Variants in OR4E2 observed in about 807,000 individuals in gnomAD.
OR4E2 encodes olfactory receptor family 4 subfamily E member 2, also known as olfactory receptor 4E2.
OR4E2 carries 9 observed loss-of-function variants against 11.0 expected under a neutral mutation model. The observed-to-expected ratio is 0.82, with a 90% CI of 0.49 to 1.43. The LOEUF (loss-of-function observed/expected upper bound fraction) is 1.43, where lower values mean the gene tolerates loss of function less well. Among genes scored for constraint, OR4E2 ranks in the 40% most tolerant of loss-of-function variants. The pLI, the probability that OR4E2 is intolerant of heterozygous loss-of-function variation, is 0.00. For missense variants in OR4E2, 441 were observed against 382.0 expected, an observed-to-expected ratio of 1.15 and a Z score of -1.29; for synonymous variants, 159 against 147.3, an observed-to-expected ratio of 1.08 and a Z score of -0.57.
Position 21,666,186 on chromosome 14 carries a change from G to T in OR4E2, c.*162G>T. On this transcript the variant is annotated 3_prime_UTR_variant, in exon 4 of 4. Transcript: ENST00000641524. The stretch of plus-strand genomic sequence containing the variant: ...ATAAGAACTTATTCTGTTCATTAAA[G>T]ATAAGAACTTATTAACTATTATTTA... 2 of 530,898 alleles carry T rather than the reference G, an allele frequency of 3.8e-6. No individual in the cohort carries two copies. Among genetic ancestry groups the T allele is most frequent in the Non-Finnish European group, 6.6e-6 (2 of 302,338 alleles). 32.9% of individuals were successfully genotyped at this position (530,898 alleles called of 1,614,324 possible).
At position 21,665,711 on chromosome 14, in the gene OR4E2, G is replaced by C; in HGVS notation, c.629G>C (p.Cys210Ser). The change falls in exon 4 of 4, where the codon TGT becomes TCT. Residue 210 changes from cysteine (C) to serine (S), a missense_variant. Transcript: ENST00000641524. Reference protein sequence around the residue: ...VTNSGTISLSCFLAVVTSYMV... With the variant: ...VTNSGTISLSSFLAVVTSYMV... ...AATAGTGGAACCATCTCCCTCTCCT[G>C]TTTCTTGGCCGTGGTCACCTCCTAT... The C allele has an allele frequency of 6.2e-7, 1 of 1,614,132 alleles. No individual in the cohort carries two copies. The highest frequency in any genetic ancestry group is 8.5e-7 in the Non-Finnish European group (1 of 1,180,016).
At chr14:21,655,804 G>A (rs1183963234) in intron 1 of OR4E2, among the ~76,000 whole-genome samples, 1 of 152,038 alleles carries the variant, frequency 6.6e-6, no homozygotes, top group African/African-American at 2.4e-5. Flanking sequence ...AAAAAAATTT[G>A]TTGAATGCGT....
chr14:21,657,576 C>CTT (rs1594543980), intron 2 of OR4E2, among the ~76,000 whole-genome samples: 6 of 128,912 alleles, frequency 4.7e-5, no homozygotes, highest in South Asian at 2.9e-4. Flanking sequence ...TCTCTCTCTC[C>CTT]CCCTTCCCTT....
chr14:21,659,235 A>G (rs959745667), intron 2 of OR4E2, among the ~76,000 whole-genome samples: 6 of 151,552 alleles, frequency 4.0e-5, no homozygotes, highest in African/African-American at 1.2e-4. Context: ...CAGTGTCACT[A>G]TGTTGCCCAG....
intron 2 of OR4E2, among the ~76,000 whole-genome samples, chr14:21,660,175 G>A (rs187450714): frequency 1.3e-5 from 2 of 152,310 alleles, no homozygotes; most frequent in East Asian, 3.9e-4. Context: ...TCAGGCATTA[G>A]ATTCTCACAA....
intron 1 of OR4E2, among the ~76,000 whole-genome samples, chr14:21,655,747 G>C (rs767246409): frequency 1.3e-5 from 2 of 152,136 alleles, no homozygotes; most frequent in East Asian, 3.9e-4. Flanking sequence ...TCCCCTAAAA[G>C]TGTGCTTTCT....
At chr14:21,661,677 C>T (rs1020708760) in intron 3 of OR4E2, among the ~76,000 whole-genome samples, 10 of 152,292 alleles carry the variant, frequency 6.6e-5, no homozygotes, top group Admixed American at 5.9e-4. Flanking sequence ...AGAACCACTG[C>T]CTTAGGTTAT....
Position 21,666,859 on chromosome 14 carries a change from T to C in OR4E2, c.*835T>C, listed in dbSNP as rs1042250763. On this transcript the variant is annotated 3_prime_UTR_variant, in exon 4 of 4. Coordinates refer to ENST00000641524, the MANE Select transcript of OR4E2 (RefSeq NM_001001912.3). ...GGTGCATGCCATCATGCCTGGCTAATTTTTATATGTTTAGTAGAGATGAGG... is the reference window on the plus strand; with the variant it reads ...GGTGCATGCCATCATGCCTGGCTAACTTTTATATGTTTAGTAGAGATGAGG... The C allele has an allele frequency of 1.3e-5, 2 of 152,110 alleles. No individual in the cohort carries two copies. Among genetic ancestry groups the C allele is most frequent in the Non-Finnish European group, 2.9e-5 (2 of 68,026 alleles). The allele number at this position is 152,110 out of a possible 1,614,324, so 9.4% of individuals were successfully genotyped here. A position where few individuals can be genotyped will look rare whatever the true frequency, so the allele number is the denominator to read the frequency against.
rs766162317 is a variant in OR4E2 at position 21,666,021 on chromosome 14, A to G, written c.939A>G (p.Thr313=). ...AAGTTTTTTTCACGAAATCATATAC[A>G]TAATGGGCACTGGGATTGCAGACAT... ...QRQVFFTKSY[T] Residue 313 remains threonine (T), a synonymous_variant, in exon 4 of 4, where the codon ACA becomes ACG. Coordinates refer to ENST00000641524, the MANE Select transcript of OR4E2 (RefSeq NM_001001912.3). The G allele has an allele frequency of 1.9e-5, 31 of 1,608,114 alleles. No individual in the cohort carries two copies. The Admixed American group carries it at 4.9e-4, about 25-fold the overall frequency.
At position 21,666,953 on chromosome 14, in the gene OR4E2, A is replaced by G. The variant is rs1237826454; in HGVS notation, c.*929A>G. 6.6e-6 allele frequency: 1 copy of G among 152,188 alleles called. No individual in the cohort carries two copies. The highest frequency in any genetic ancestry group is 1.5e-5 in the Non-Finnish European group (1 of 68,030). 9.4% of individuals were successfully genotyped at this position (152,188 alleles called of 1,614,324 possible). On this transcript the variant is annotated 3_prime_UTR_variant, in exon 4 of 4. Coordinates refer to ENST00000641524, the MANE Select transcript of OR4E2 (RefSeq NM_001001912.3). ...AGCCACCTGCCCCTCTCAGCTAATCATTAACTACTATCACTCATTGGGCTG... is the reference window on the plus strand; with the variant it reads ...AGCCACCTGCCCCTCTCAGCTAATCGTTAACTACTATCACTCATTGGGCTG...
In OR4E2 at chr14:21,665,998, GT is replaced by G. The variant is rs754089356; in HGVS notation, c.923del (p.Phe308SerfsTer34). On this transcript the variant is annotated frameshift_variant, in exon 4 of 4. Transcript: ENST00000641524. LOFTEE classifies it high-confidence loss of function. ...CATGAAGCAGCTCAGGCAGAGACAA[GT>G]TTTTTTCACGAAATCATATACATAA... ...SAMKQLRQRQ[V>X]FFTKSYT 3 of 1,613,144 alleles carry G rather than the reference GT, an allele frequency of 1.9e-6. No individual in the cohort carries two copies. The East Asian group carries it at 6.7e-5, about 36-fold the overall frequency.
intron 2 of OR4E2, among the ~76,000 whole-genome samples, chr14:21,657,521 C>T (rs1415773602): frequency 3.2e-5 from 1 of 31,024 alleles, no homozygotes; most frequent in Non-Finnish European, 7.8e-5. Context: ...CTTTGTTTTT[C>T]TTTCTTTCTT....
chr14:21,661,215 C>T (rs1016566954), intron 3 of OR4E2, among the ~76,000 whole-genome samples: 2 of 151,986 alleles, frequency 1.3e-5, no homozygotes, highest in East Asian at 1.9e-4. Flanking sequence ...GATGTGTGTT[C>T]GTCAACAACT....
intron 3 of OR4E2, among the ~76,000 whole-genome samples, chr14:21,663,632 G>C (rs569626416): frequency 6.6e-6 from 1 of 152,228 alleles, no homozygotes; most frequent in East Asian, 1.9e-4. Context: ...AGTGTTCTTT[G>C]AAATAGTCAA....
rs1594543710 is a variant in OR4E2 at position 21,657,497 on chromosome 14, TTCCTTCC to T, written c.-103+910_-103+916del. Among the ~76,000 whole-genome samples, 13 of 117,128 alleles carry T rather than the reference TTCCTTCC, an allele frequency of 1.1e-4. 1 individual carries two copies. In the East Asian group the frequency reaches 2.1e-3, roughly 19 times the overall value. 76.8% of individuals were successfully genotyped at this position (117,128 alleles called of 152,430 possible). ...CTTCCTTCCTTCCTTCCTTCCTTCC[TTCCTTCC>T]TTCTTTCTTTGTTTTTCTTTCTTTC... On this transcript the variant is annotated intron_variant, in intron 2 of 3. Transcript: ENST00000641524.
intron 2 of OR4E2, among the ~76,000 whole-genome samples, chr14:21,658,847 T>A (rs1880161194): frequency 6.6e-6 from 1 of 152,070 alleles, no homozygotes; most frequent in Admixed American, 6.6e-5. Flanking sequence ...ATACGCAGTA[T>A]ACAATACACA....
intron 2 of OR4E2, among the ~76,000 whole-genome samples, chr14:21,658,711 C>G (rs2139802372): frequency 6.6e-6 from 1 of 152,148 alleles, no homozygotes; most frequent in African/African-American, 2.4e-5. Flanking sequence ...TTGTTGCTGT[C>G]TACATTGTGG....
chr14:21,654,134 T>A (rs1879796810), intron 1 of OR4E2, among the ~76,000 whole-genome samples, 195 bp downstream of exon 1: 1 of 152,164 alleles, frequency 6.6e-6, no homozygotes, highest in Non-Finnish European at 1.5e-5. Flanking sequence ...TCTTCCTGCC[T>A]CACCTTTATA....
intron 1 of OR4E2, 138 bp downstream of exon 1, chr14:21,654,077 C>A (rs992502296): frequency 1.3e-5 from 2 of 152,110 alleles, no homozygotes; most frequent in African/African-American, 4.8e-5. Flanking sequence ...CTTAATAGAG[C>A]TCCTGGGTTG....
Sources: allele counts gnomAD v4.1 joint callset (sites outside exome capture counted in the v4.1 genomes callset), GRCh38; gene constraint gnomAD v4.1.1; transcripts MANE v1.5; gene names NCBI Gene and HGNC (gene_info 2026-07-23, HGNC 2026-07-21).